The following RAB3C variants were observed in gnomAD, a reference collection of about 807,000 sequenced individuals.
RAB3C encodes the protein RAB3C, member RAS oncogene family.
In RAB3C, 17 loss-of-function variants were observed where a neutral mutation model predicts 26.4. That is an observed-to-expected ratio of 0.64 (90% CI 0.44 to 0.97). The LOEUF is 0.97. Ranked by LOEUF, RAB3C falls within the 50% of genes least tolerant of loss-of-function variation. The pLI is 0.00. For missense variants in RAB3C, 242 were observed against 281.9 expected, an observed-to-expected ratio of 0.86 and a Z score of 1.01; for synonymous variants, 91 against 95.9, an observed-to-expected ratio of 0.95 and a Z score of 0.30.
chr5:58,718,962 G>C lies in RAB3C; in HGVS notation c.253-7040G>C, dbSNP rs16888470. On this transcript the variant is annotated intron_variant, in intron 2 of 4. Coordinates refer to ENST00000282878, the MANE Select transcript of RAB3C (RefSeq NM_138453.4). Reference sequence around the variant, plus strand: ...ATTTTTAAAAGACAAATTCAATACTGTTTTGTGCCTATTTATGGAAATTTC... The same window carrying C: ...ATTTTTAAAAGACAAATTCAATACTCTTTTGTGCCTATTTATGGAAATTTC... Among the ~76,000 whole-genome samples the C allele has an allele frequency of 6.0e-3, 906 of 152,070 alleles. 16 individuals are homozygous for C. Among genetic ancestry groups the C allele is most frequent in the African/African-American group, 0.02 (841 of 41,514 alleles).
At chr5:58,587,795 C>T (rs990495492) in intron 1 of RAB3C, among the ~76,000 whole-genome samples, 5 of 152,042 alleles carry the variant, frequency 3.3e-5, no homozygotes, top group Admixed American at 6.6e-5. Flanking sequence ...TGACCAATCA[C>T]GGGTTAGCTG....
At chr5:58,691,265 T>G (rs909166590) in intron 2 of RAB3C, among the ~76,000 whole-genome samples, 4 of 152,152 alleles carry the variant, frequency 2.6e-5, no homozygotes, top group African/African-American at 9.7e-5. Flanking sequence ...TGTGGGGGAA[T>G]GTATAATGAA....
At chr5:58,584,667 T>C (rs1195297643) in intron 1 of RAB3C, among the ~76,000 whole-genome samples, 1 of 152,214 alleles carries the variant, frequency 6.6e-6, no homozygotes, top group Non-Finnish European at 1.5e-5. Context: ...TACTTCACTA[T>C]GTATATGTAT....
At chr5:58,741,059 A>G (rs1364798637) in intron 3 of RAB3C, among the ~76,000 whole-genome samples, 1 of 152,140 alleles carries the variant, frequency 6.6e-6, no homozygotes, top group Non-Finnish European at 1.5e-5. Flanking sequence ...AACTCAAGAA[A>G]GCACTACAGT....
At position 58,609,034 on chromosome 5, in the gene RAB3C, A is replaced by G. The variant is rs1025277998; in HGVS notation, c.25-8609A>G. 4.6e-5 allele frequency among the ~76,000 whole-genome samples: 7 copies of G among 152,034 alleles called. No homozygotes were observed. In the South Asian group the frequency reaches 1.2e-3, roughly 27 times the overall value. On this transcript the variant is annotated intron_variant, in intron 1 of 4. Coordinates refer to ENST00000282878, the MANE Select transcript of RAB3C (RefSeq NM_138453.4). ...GGCAGGAAACATCACACACTGGGAC[A>G]TGTTGGGGAGTGGGGAGGAGGGGGA...
intron 2 of RAB3C, among the ~76,000 whole-genome samples, chr5:58,646,082 C>T (rs1480968881): frequency 6.6e-6 from 1 of 152,156 alleles, no homozygotes; most frequent in Non-Finnish European, 1.5e-5. Context: ...GGAGCGAAGT[C>T]GAATGATTTT....
intron 2 of RAB3C, among the ~76,000 whole-genome samples, chr5:58,688,342 T>C (rs1204890691): frequency 2.0e-5 from 3 of 152,112 alleles, no homozygotes; most frequent in African/African-American, 2.4e-5. Flanking sequence ...CCTGTCTTAC[T>C]GTTTAATATA....
chr5:58,632,022 A>G (rs908874075), intron 2 of RAB3C, among the ~76,000 whole-genome samples: 8 of 152,238 alleles, frequency 5.3e-5, no homozygotes, highest in Admixed American at 1.3e-4. Flanking sequence ...CTTCTTACTC[A>G]GAGACTGGTG....
At chr5:58,807,675 C>G (rs1398173828) in intron 3 of RAB3C, among the ~76,000 whole-genome samples, 19 of 151,880 alleles carry the variant, frequency 1.3e-4, no homozygotes, top group Admixed American at 1.2e-3. Flanking sequence ...GGTGGGGGGG[C>G]AAAACATATG....
intron 3 of RAB3C, among the ~76,000 whole-genome samples, chr5:58,790,467 A>G (rs1016534524): frequency 2.6e-5 from 4 of 152,232 alleles, no homozygotes; most frequent in South Asian, 2.1e-4. Context: ...AATTTAAATG[A>G]GCATGTGAGC....
At chr5:58,586,841 TA>T (rs1198794686) in intron 1 of RAB3C, among the ~76,000 whole-genome samples, 7 of 152,154 alleles carry the variant, frequency 4.6e-5, no homozygotes, top group African/African-American at 1.7e-4. Context: ...AAGTTAGCCA[TA>T]CTGTACACAA....
chr5:58,831,269 C>T (rs775116568), intron 4 of RAB3C, among the ~76,000 whole-genome samples: 16 of 152,202 alleles, frequency 1.1e-4, no homozygotes, highest in East Asian at 3.9e-4. Context: ...ATTTAAACTC[C>T]GACCTTGGAC....
intron 3 of RAB3C, among the ~76,000 whole-genome samples, chr5:58,762,651 A>G (rs953313125): frequency 1.3e-5 from 2 of 152,190 alleles, no homozygotes; most frequent in Non-Finnish European, 2.9e-5. Context: ...TGACAGCGCC[A>G]TTGCCCTCCA....
chr5:58,857,771 C>T lies in RAB3C; in HGVS notation c.*6420C>T, dbSNP rs1744296914. 4 of 152,084 alleles carry T rather than the reference C, an allele frequency of 2.6e-5. No homozygotes were observed. 9.4% of individuals were successfully genotyped at this position (152,084 alleles called of 1,614,324 possible). ...AGAATCATTAAATACTTTGTAATGCCATCATAAACTCATATATTCATCCTC... is the reference window on the plus strand; with the variant it reads ...AGAATCATTAAATACTTTGTAATGCTATCATAAACTCATATATTCATCCTC... On this transcript the variant is annotated 3_prime_UTR_variant, in exon 5 of 5. Transcript: ENST00000282878.
intron 2 of RAB3C, among the ~76,000 whole-genome samples, chr5:58,626,814 A>G (rs374873791): frequency 6.6e-6 from 1 of 152,192 alleles, no homozygotes; most frequent in Non-Finnish European, 1.5e-5. Flanking sequence ...TGAAATAGCA[A>G]GTAGTAGTAC....
At chr5:58,756,245 GA>G (rs1473269156) in intron 3 of RAB3C, among the ~76,000 whole-genome samples, 4 of 148,452 alleles carry the variant, frequency 2.7e-5, no homozygotes, top group Non-Finnish European at 4.4e-5. Context: ...TCACATACAT[GA>G]TGGCCCTTTA....
intron 3 of RAB3C, among the ~76,000 whole-genome samples, chr5:58,795,682 C>T (rs547163990): frequency 3.1e-4 from 47 of 152,198 alleles, no homozygotes; most frequent in Admixed American, 8.5e-4. Context: ...ACTGGGCCTC[C>T]CAACCCATAG....
At chr5:58,840,922 G>A (rs1214155532) in intron 4 of RAB3C, among the ~76,000 whole-genome samples, 1 of 152,326 alleles carries the variant, frequency 6.6e-6, no homozygotes, top group East Asian at 1.9e-4. Context: ...GCATGCAATT[G>A]CTTGTCTGAC....
At chr5:58,709,609 C>G (rs1749016894) in intron 2 of RAB3C, among the ~76,000 whole-genome samples, 1 of 152,212 alleles carries the variant, frequency 6.6e-6, no homozygotes, top group South Asian at 2.1e-4. Context: ...AGTCACTCTT[C>G]AGACTTCTGA....
Sources: gnomAD v4.1 joint callset for allele counts (sites outside exome capture counted in the v4.1 genomes callset) on GRCh38, gnomAD v4.1.1 for gene constraint, MANE v1.5 for transcripts, NCBI Gene and HGNC (gene_info 2026-07-23, HGNC 2026-07-21) for gene names.